Variants in TRANK1 observed in about 807,000 individuals in gnomAD.
The protein encoded by TRANK1 is tetratricopeptide repeat and ankyrin repeat containing 1.
TRANK1 carries 198 observed loss-of-function variants against 266.0 expected under a neutral mutation model. The observed-to-expected ratio is 0.74, with a 90% CI of 0.66 to 0.84. The LOEUF (loss-of-function observed/expected upper bound fraction) is 0.84, where lower values mean the gene tolerates loss of function less well. TRANK1 is among the 40% of genes least tolerant of loss of function. The pLI is 0.00. For missense variants in TRANK1, 3,326 were observed against 3,634.6 expected (o/e 0.92, Z 2.18); for synonymous variants, 1,396 against 1,384.1 (o/e 1.01, Z -0.19).
intron 1 of TRANK1, among the ~76,000 whole-genome samples, chr3:36,915,327 A>G (rs2080110000): frequency 6.6e-6 from 1 of 152,248 alleles, no homozygotes; most frequent in East Asian, 1.9e-4. Flanking sequence ...ATAATGTATA[A>G]GTGATCAGAT....
chr3:36,907,700 G>A (rs1559467129), intron 2 of TRANK1, among the ~76,000 whole-genome samples: 1 of 151,768 alleles, frequency 6.6e-6, no homozygotes, highest in South Asian at 2.1e-4. Context: ...TCCTGACCTC[G>A]TGATCTGCCC....
At chr3:36,929,954 T>C (rs756391153) in intron 1 of TRANK1, among the ~76,000 whole-genome samples, 4 of 152,140 alleles carry the variant, frequency 2.6e-5, no homozygotes, top group Non-Finnish European at 5.9e-5. Context: ...TTGCCCAGGC[T>C]GGAGTGCAAT....
At chr3:36,866,607 A>G (rs1399156471) in intron 9 of TRANK1, among the ~76,000 whole-genome samples, 1 of 152,206 alleles carries the variant, frequency 6.6e-6, no homozygotes, top group Non-Finnish European at 1.5e-5. Context: ...AGGCAAAGGA[A>G]ATGAGCTTTC....
At position 36,833,608 on chromosome 3, in the gene TRANK1, A is replaced by T. The variant is rs1192615648; in HGVS notation, c.5975T>A (p.Leu1992Gln). The change falls in exon 22 of 24, where the codon CTG (leucine) becomes CAG (glutamine). Residue 1992 changes from leucine to glutamine, a missense_variant. By Grantham distance (113) the Leu-to-Gln change is moderately radical. Transcript: ENST00000645898. ...TADKDFQASC[L>Q]LGAARLNVAR... ...CACATTGAGGCGGGCGGCCCCCAGC[A>T]GACATGAGGCCTGGAAGTCCTTGTC... is the stretch of plus-strand genomic sequence containing the variant. The T allele has an allele frequency of 8.1e-6, 13 of 1,613,964 alleles. No homozygotes were observed. Among genetic ancestry groups the T allele is most frequent in the Non-Finnish European group, 1.0e-5 (12 of 1,179,868 alleles).
chr3:36,902,311 T>A (rs2079894918), intron 3 of TRANK1, among the ~76,000 whole-genome samples: 1 of 152,248 alleles, frequency 6.6e-6, no homozygotes, highest in Non-Finnish European at 1.5e-5. Flanking sequence ...AAAGTTAAAG[T>A]ACTCTATAGG....
At chr3:36,893,504 A>G (rs752510520) in intron 5 of TRANK1, among the ~76,000 whole-genome samples, 2 of 152,264 alleles carry the variant, frequency 1.3e-5, no homozygotes, top group Middle Eastern at 3.4e-3. Flanking sequence ...CAAGTCTTGT[A>G]TGTCATATTA....
At position 36,855,244 on chromosome 3, in the gene TRANK1, A is replaced by C; in HGVS notation, c.4478T>G (p.Ile1493Arg). 6.2e-7 allele frequency: 1 copy of C among 1,614,022 alleles called. No individual in the cohort carries two copies. Among genetic ancestry groups the C allele is most frequent in the Non-Finnish European group, 8.5e-7 (1 of 1,179,886 alleles). ...CTTCCGGACAGCACACTGCTTGTCT[A>C]TGGTGTTTCTGCTGGCATAATGGAA... ...SLFHYASRNT[I>R]DKQCAVRKPK... Residue 1493 changes from isoleucine to arginine, a missense_variant, in exon 13 of 24, where the codon ATA (isoleucine) becomes AGA (arginine). Coordinates refer to ENST00000645898, the MANE Select transcript of TRANK1 (RefSeq NM_001329998.2).
chr3:36,881,017 C>G (rs2079524235), intron 8 of TRANK1, among the ~76,000 whole-genome samples: 1 of 151,320 alleles, frequency 6.6e-6, no homozygotes, highest in African/African-American at 2.4e-5. Flanking sequence ...TCTGTGGCAT[C>G]TACAACCCTG....
chr3:36,851,556 C>A, intron 15 of TRANK1, 163 bp downstream of exon 15: 1 of 1,210,942 alleles, frequency 8.3e-7, no homozygotes, highest in Non-Finnish European at 1.1e-6. Context: ...TCAAAACCCA[C>A]ATCTAAACAC....
At chr3:36,917,583 G>A (rs945717817) in intron 1 of TRANK1, among the ~76,000 whole-genome samples, 2 of 152,060 alleles carry the variant, frequency 1.3e-5, no homozygotes, top group African/African-American at 4.8e-5. Flanking sequence ...AGGGAGGGCA[G>A]GAGATGTTGG....
chr3:36,828,859 T>C (rs2078660329), intron 23 of TRANK1, among the ~76,000 whole-genome samples: 1 of 152,190 alleles, frequency 6.6e-6, no homozygotes, highest in South Asian at 2.1e-4. Flanking sequence ...TAAAGATTTT[T>C]TATTGGCACA....
chr3:36,837,819 T>C (rs929655681), intron 20 of TRANK1, among the ~76,000 whole-genome samples: 6 of 152,266 alleles, frequency 3.9e-5, no homozygotes, highest in Non-Finnish European at 7.3e-5. Context: ...TCTGCAATGA[T>C]GGAAATGTTC....
At position 36,852,299 on chromosome 3, in the gene TRANK1, A is replaced by G. The variant is rs1321991110; in HGVS notation, c.4596T>C (p.Tyr1532=). The change falls in exon 14 of 24, where the codon TAT becomes TAC. Residue 1532 remains tyrosine (Y), a synonymous_variant. Transcript: ENST00000645898. ...ASGVVDLLQF[Y]FPESFDRLPR... is the part of the protein sequence containing the mutation. The stretch of plus-strand genomic sequence containing the variant: ...GAAGGCGATCAAAAGATTCTGGGAA[A>G]TAGAACTGAAGTAAATCCACCACTC... The G allele has an allele frequency of 7.5e-6, 12 of 1,608,544 alleles. No homozygotes were observed. The highest frequency in any genetic ancestry group is 9.3e-6 in the Non-Finnish European group (11 of 1,177,948).
At chr3:36,885,912 T>C (rs2079596428) in intron 8 of TRANK1, among the ~76,000 whole-genome samples, 1 of 152,098 alleles carries the variant, frequency 6.6e-6, no homozygotes, top group Admixed American at 6.6e-5. Flanking sequence ...CTCTGAACCA[T>C]TTTTGTAACT....
chr3:36,833,488 G>T lies in TRANK1; in HGVS notation c.6095C>A (p.Ala2032Asp). 1 of 1,613,938 alleles carries T rather than the reference G, an allele frequency of 6.2e-7. No homozygotes were observed. The highest frequency in any genetic ancestry group is 8.5e-7 in the Non-Finnish European group (1 of 1,179,846). Residue 2032 changes from alanine (A) to aspartate (D), a missense_variant, in exon 22 of 24, where the codon GCC (alanine) becomes GAC (aspartate). Physicochemically the swap from Ala to Asp is moderately radical, Grantham distance 126 (BLOSUM62 -2). Transcript: ENST00000645898. The stretch of plus-strand genomic sequence containing the variant: ...CAGGATTACCCCTTGCAGGAAGTGG[G>T]CCTCCGCAATGCCAGACAACTGGCC... ...QTGQLSGIAEAHFLQGVILRD... is the reference protein window; with the variant it reads ...QTGQLSGIAEDHFLQGVILRD...
intron 12 of TRANK1, among the ~76,000 whole-genome samples, 176 bp from the exon 13 acceptor site, chr3:36,858,225 A>G (rs918726368): frequency 1.3e-5 from 2 of 152,170 alleles, no homozygotes; most frequent in African/African-American, 4.8e-5. Flanking sequence ...TTTACTCCCC[A>G]AGGGACATTT....
At position 36,833,094 on chromosome 3, in the gene TRANK1, T is replaced by C; in HGVS notation, c.6489A>G (p.Gln2163=). ...GGTGTTTGTTTAGGGCTAATTTCAC[T>C]TGGTCAGTCATTATCAAAAAATGAT... The part of the protein sequence containing the change: ...TKDHFLIMTD[Q]VKLALNKHLL... Residue 2163 remains glutamine, a synonymous_variant, in exon 22 of 24, where the codon CAA becomes CAG. Transcript: ENST00000645898. 1.2e-6 allele frequency: 2 copies of C among 1,612,720 alleles called. No individual in the cohort carries two copies. The highest frequency in any genetic ancestry group is 2.2e-5 in the South Asian group (2 of 90,802).
At chr3:36,866,763 C>T (rs2079233651) in intron 9 of TRANK1, among the ~76,000 whole-genome samples, 1 of 152,172 alleles carries the variant, frequency 6.6e-6, no homozygotes, top group African/African-American at 2.4e-5. Flanking sequence ...TGGGTGCTGA[C>T]TTTTCAAACT....
chr3:36,832,223 C>A lies in TRANK1; in HGVS notation c.7360G>T (p.Ala2454Ser). Residue 2454 changes from alanine to serine, a missense_variant, in exon 22 of 24, where the codon GCC becomes TCC. Transcript: ENST00000645898. Reference protein sequence around the residue: ...PLIPSIGNTVALLEFQFIHCG... With the variant: ...PLIPSIGNTVSLLEFQFIHCG... ...TGGATGAACTGGAACTCCAGGAGGG[C>A]TACTGTGTTTCCAATGCTGGGGATG... 1 of 1,613,978 alleles carries A rather than the reference C, an allele frequency of 6.2e-7. No individual in the cohort carries two copies. The highest frequency in any genetic ancestry group is 1.1e-5 in the South Asian group (1 of 91,084).
Sources: gnomAD v4.1 joint callset for allele counts (sites outside exome capture counted in the v4.1 genomes callset) on GRCh38, gnomAD v4.1.1 for gene constraint, MANE v1.5 for transcripts, NCBI Gene and HGNC (gene_info 2026-07-23, HGNC 2026-07-21) for gene names.